Variants in PROM2 observed in about 807,000 individuals in gnomAD.
PROM2 encodes prominin 2.
A neutral mutation model predicts 110.2 loss-of-function variants in PROM2; 90 were observed. The observed-to-expected ratio is 0.82, with a 90% CI of 0.69 to 0.97. PROM2 has a LOEUF of 0.97. PROM2 is among the 50% of genes least tolerant of loss of function. The pLI is 0.00. For missense variants in PROM2, 1,009 were observed against 1,074.8 expected, an observed-to-expected ratio of 0.94 and a Z score of 0.86; for synonymous variants, 470 against 467.8, an observed-to-expected ratio of 1.00 and a Z score of -0.06.
At chr2:95,279,803 C>G (rs745758193) in intron 10 of PROM2, 42 bp from the exon 11 acceptor site, 1 of 1,376,586 alleles carries the variant, frequency 7.3e-7, no homozygotes, top group Non-Finnish European at 9.5e-7. Flanking sequence ...TTGGTGCCAG[C>G]CACCTCCTTT....
chr2:95,285,349 G>T (rs1254722438), intron 15 of PROM2, among the ~76,000 whole-genome samples: 1 of 152,194 alleles, frequency 6.6e-6, no homozygotes, highest in Non-Finnish European at 1.5e-5. Flanking sequence ...AGCATGTGTT[G>T]CTGTTCATGG....
Position 95,286,584 on chromosome 2 carries a change from G to A in PROM2, c.2040+13G>A, listed in dbSNP as rs1487006641. 1 of 1,610,382 alleles carries A rather than the reference G, an allele frequency of 6.2e-7. No homozygotes were observed. The highest frequency in any genetic ancestry group is 8.5e-7 in the Non-Finnish European group (1 of 1,177,598). Reference sequence around the variant, plus strand: ...GCAGAGCCTTGTGGTCAGTTTGGAGGCCCGGGGAGCCTGGGGCCTGGGGGA... The same window carrying A: ...GCAGAGCCTTGTGGTCAGTTTGGAGACCCGGGGAGCCTGGGGCCTGGGGGA... On this transcript the variant is annotated intron_variant, in intron 17 of 23. Transcript: ENST00000317620.
intron 10 of PROM2, 34 bp from the exon 11 acceptor site, chr2:95,279,810 CT>C: frequency 7.2e-7 from 1 of 1,385,800 alleles, no homozygotes; most frequent in Non-Finnish European, 9.4e-7. Context: ...CAGCCACCTC[CT>C]TTCTTAGTGA....
chr2:95,284,783 C>T (rs182241741), intron 14 of PROM2, among the ~76,000 whole-genome samples, 186 bp from the exon 15 acceptor site: 5 of 152,340 alleles, frequency 3.3e-5, no homozygotes, highest in East Asian at 3.9e-4. Flanking sequence ...GATCCGCCCC[C>T]GTGATCTAGT....
rs1676794783 is a variant in PROM2, at chr2:95,278,241, A to C, written c.1050+237A>C. 1.4e-5 allele frequency: 8 copies of C among 586,518 alleles called. No individual in the cohort carries two copies. In the East Asian group the frequency reaches 2.3e-4, roughly 17 times the overall value. 36.3% of individuals were successfully genotyped at this position (586,518 alleles called of 1,614,324 possible). Reference sequence around the variant, plus strand: ...TGGGGGTGGCAAGGGAGCAGTGCTCAGTCTGAGCCCAGAGGGCAGGCGGCT... The same window carrying C: ...TGGGGGTGGCAAGGGAGCAGTGCTCCGTCTGAGCCCAGAGGGCAGGCGGCT... On this transcript the variant is annotated intron_variant, in intron 8 of 23. Coordinates refer to ENST00000317620, the MANE Select transcript of PROM2 (RefSeq NM_001165978.3).
At position 95,290,683 on chromosome 2, in the gene PROM2, T is replaced by C. The variant is rs1677639841; in HGVS notation, c.*1470T>C. The C allele has an allele frequency of 6.6e-6, 1 of 152,174 alleles. No individual in the cohort carries two copies. The highest frequency in any genetic ancestry group is 2.4e-5 in the African/African-American group (1 of 41,418). 9.4% of individuals were successfully genotyped at this position (152,174 alleles called of 1,614,324 possible). On this transcript the variant is annotated 3_prime_UTR_variant, in exon 24 of 24. Coordinates refer to ENST00000317620, the MANE Select transcript of PROM2 (RefSeq NM_001165978.3). The stretch of plus-strand genomic sequence containing the variant: ...TGCTCAGTGGATGGAAGCTGCCTAT[T>C]ATTATTGTCGTTGTTGTTGTTTGCC...
At chr2:95,282,931 C>G (rs1404060902) in intron 14 of PROM2, among the ~76,000 whole-genome samples, 4 of 152,158 alleles carry the variant, frequency 2.6e-5, no homozygotes, top group Non-Finnish European at 5.9e-5. Flanking sequence ...CTCGCCCTCC[C>G]CAAACACAGA....
rs748481688 is a variant in PROM2, at chr2:95,286,517, C to A, written c.1986C>A (p.Ala662=). Residue 662 remains alanine (A), a synonymous_variant, in exon 17 of 24, where the codon GCC becomes GCA. Coordinates refer to ENST00000317620, the MANE Select transcript of PROM2 (RefSeq NM_001165978.3). ...SVLGQRLQEE[A]QGLRNLHQEK... ...TGGGGCAGCGGCTGCAGGAGGAGGCCCAAGGACTCAGAAACCTTCACCAGG... is the reference window on the plus strand; with the variant it reads ...TGGGGCAGCGGCTGCAGGAGGAGGCACAAGGACTCAGAAACCTTCACCAGG... The A allele has an allele frequency of 3.1e-6, 5 of 1,613,598 alleles. No homozygotes were observed. The highest frequency in any genetic ancestry group is 4.2e-6 in the Non-Finnish European group (5 of 1,179,936).
rs1258406748 is a variant in PROM2, at chr2:95,285,812, A to G, written c.1947+102A>G. 9 of 1,154,254 alleles carry G rather than the reference A, an allele frequency of 7.8e-6. No homozygotes were observed. The East Asian group carries it at 2.1e-4, about 27-fold the overall frequency. The allele number at this position is 1,154,254 out of a possible 1,614,324, so 71.5% of individuals were successfully genotyped here. ...TGAGGGCAAAGGCAGGGAACTGAGGACCCCCACCAGTGAGGCCTGAGGCTC... is the reference window on the plus strand; with the variant it reads ...TGAGGGCAAAGGCAGGGAACTGAGGGCCCCCACCAGTGAGGCCTGAGGCTC... On this transcript the variant is annotated intron_variant, in intron 16 of 23. Transcript: ENST00000317620.
At chr2:95,280,576 T>C (rs1015152126) in intron 11 of PROM2, among the ~76,000 whole-genome samples, 9 of 152,126 alleles carry the variant, frequency 5.9e-5, no homozygotes, top group African/African-American at 2.2e-4. Flanking sequence ...GGTCCTGGAG[T>C]AGGTCACCTC....
rs1050421060 is a variant in PROM2 at position 95,276,712 on chromosome 2, G to C, written c.682+55G>C. The stretch of plus-strand genomic sequence containing the variant: ...TGGCTCCTTCCAGGGCCCCTGCTCG[G>C]GTGCCTCGGTGGGGGCCTCTCACTC... On this transcript the variant is annotated intron_variant, in intron 5 of 23. Transcript: ENST00000317620. This position sits in a 1 kb window ranked among gnomAD's most constrained non-coding sequence, Gnocchi z 4.6. The C allele has an allele frequency of 2.6e-5, 41 of 1,583,614 alleles. No homozygotes were observed. The highest frequency in any genetic ancestry group is 3.5e-5 in the Non-Finnish European group (40 of 1,155,408).
Position 95,276,201 on chromosome 2 carries a change from C to T in PROM2, c.498-26C>T. The stretch of plus-strand genomic sequence containing the variant: ...CAGGCTCCCTCTTACCCAGCAAGCA[C>T]CTTCCTCCTCCCTCCATTCCCACAG... On this transcript the variant is annotated intron_variant, in intron 3 of 23. Coordinates refer to ENST00000317620, the MANE Select transcript of PROM2 (RefSeq NM_001165978.3). The surrounding 1 kb of genome is among the most constrained non-coding windows in gnomAD (Gnocchi z 4.6). The T allele has an allele frequency of 6.2e-7, 1 of 1,613,774 alleles. No individual in the cohort carries two copies. The highest frequency in any genetic ancestry group is 1.1e-5 in the South Asian group (1 of 91,064).
At chr2:95,288,669 C>G in intron 22 of PROM2, 80 bp downstream of exon 22, 2 of 1,245,152 alleles carry the variant, frequency 1.6e-6, no homozygotes, top group Admixed American at 3.7e-5. Flanking sequence ...CTGTCACAGC[C>G]CCTCCTGAGA....
chr2:95,285,176 A>G lies in PROM2; in HGVS notation c.1875+61A>G, dbSNP rs1334318985. ...AGGTGGTGATGGAACGAAGGGGCCC[A>G]CAGAGGAGCTGGGTGTGCATCTTGC... On this transcript the variant is annotated intron_variant, in intron 15 of 23. Coordinates refer to ENST00000317620, the MANE Select transcript of PROM2 (RefSeq NM_001165978.3). The G allele has an allele frequency of 8.0e-5, 117 of 1,464,838 alleles. 2 individuals carry two copies. In the Admixed American group the frequency reaches 2.8e-3, roughly 36 times the overall value. The allele number at this position is 1,464,838 out of a possible 1,614,324, so 90.7% of individuals were successfully genotyped here. A position where few individuals can be genotyped will look rare whatever the true frequency, so the allele number is the denominator to read the frequency against.
chr2:95,283,055 C>A (rs192620969), intron 14 of PROM2, among the ~76,000 whole-genome samples: 3 of 152,354 alleles, frequency 2.0e-5, no homozygotes, highest in South Asian at 2.1e-4. Context: ...CAACTCTGTA[C>A]CTTGAACTGC....
chr2:95,276,060 C>T lies in PROM2; in HGVS notation c.425C>T (p.Thr142Ile), dbSNP rs147971761. 1.9e-4 allele frequency: 302 copies of T among 1,611,432 alleles called. 2 individuals carry two copies. In the Admixed American group the frequency reaches 2.9e-3, roughly 15 times the overall value. The change falls in exon 3 of 24, where the codon ACA (threonine) becomes ATA (isoleucine). Residue 142 changes from threonine to isoleucine, a missense_variant. By Grantham distance (89) the Thr-to-Ile change is moderately conservative (BLOSUM62 -1). Coordinates refer to ENST00000317620, the MANE Select transcript of PROM2 (RefSeq NM_001165978.3). This position sits in a 1 kb window ranked among gnomAD's most constrained non-coding sequence, Gnocchi z 4.6. ...CHRRCGGRVK[T>I]EHKALACERA... ...CGGCGCTGCGGGGGACGAGTGAAGACAGAGCACAAGGCGCTGGCCTGTGAG... is the reference window on the plus strand; with the variant it reads ...CGGCGCTGCGGGGGACGAGTGAAGATAGAGCACAAGGCGCTGGCCTGTGAG...
rs748332948 is a variant in PROM2, at chr2:95,276,130, G to T, written c.495G>T (p.Leu165=). The T allele has an allele frequency of 6.2e-7, 1 of 1,611,744 alleles. No homozygotes were observed. Among genetic ancestry groups the T allele is most frequent in the African/African-American group, 1.3e-5 (1 of 74,928 alleles). The stretch of plus-strand genomic sequence containing the variant: ...TCCTGCTGCTGACCACCCTCTTGCT[G>T]CTGTAAGGCGCTGCCCAGGGCCCGG... ...MVFLLLTTLL[L]LIGVVCAFVT... The change falls in exon 3 of 24, where the codon CTG becomes CTT. Residue 165 remains leucine, a splice_region_variant and synonymous_variant. Coordinates refer to ENST00000317620, the MANE Select transcript of PROM2 (RefSeq NM_001165978.3). This position sits in a 1 kb window ranked among gnomAD's most constrained non-coding sequence, Gnocchi z 4.6.
In PROM2 at chr2:95,277,039, G is replaced by C; in HGVS notation, c.750G>C (p.Ala250=). 6.4e-7 allele frequency: 1 copy of C among 1,552,096 alleles called. No individual in the cohort carries two copies. The highest frequency in any genetic ancestry group is 1.4e-5 in the African/African-American group (1 of 73,260). The change falls in exon 6 of 24, where the codon GCG becomes GCC. Residue 250 remains alanine (A), a synonymous_variant. Transcript: ENST00000317620. The part of the protein sequence containing the change: ...QLRSSVYPLL[A]AVGSLGQVLQ... ...GGAGCTCCGTGTACCCCTTGCTGGC[G>C]GCCGTGGGCAGTTTGGGCCAGGGTG... is the stretch of plus-strand genomic sequence containing the variant.
At chr2:95,278,699 C>T in intron 8 of PROM2, 22 bp from the exon 9 acceptor site, 1 of 1,614,042 alleles carries the variant, frequency 6.2e-7, no homozygotes, top group Non-Finnish European at 8.5e-7. Context: ...TGGGGAGGCC[C>T]AGCACTACTT....
Sources: allele counts gnomAD v4.1 joint callset (sites outside exome capture counted in the v4.1 genomes callset), GRCh38; gene constraint gnomAD v4.1.1; non-coding constraint Gnocchi (gnomAD v3.1); transcripts MANE v1.5; gene names NCBI Gene and HGNC (gene_info 2026-07-23, HGNC 2026-07-21).